The following DCUN1D4 variants were observed in gnomAD, a reference collection of about 807,000 sequenced individuals.
The protein encoded by DCUN1D4 is defective in cullin neddylation 1 domain containing 4, also known as DCN1-like protein 4.
DCUN1D4 carries 22 observed loss-of-function variants against 47.9 expected under a neutral mutation model. That is an observed-to-expected ratio of 0.46 (90% CI 0.33 to 0.66). The LOEUF (loss-of-function observed/expected upper bound fraction) is 0.66, where lower values mean the gene tolerates loss of function less well. Among genes scored for constraint, DCUN1D4 ranks in the 30% least tolerant of loss-of-function variants. The probability of loss-of-function intolerance (pLI) is 0.02; values close to 1 mark genes in which losing one functional copy is unlikely to be tolerated. For synonymous variants in DCUN1D4, 121 were observed against 112.2 expected (o/e 1.08, Z -0.50); for missense variants, 301 against 340.8 (o/e 0.88, Z 0.92).
the DCUN1D4 span, among the ~76,000 whole-genome samples, chr4:51,835,184 C>A: frequency 6.6e-6 from 1 of 152,240 alleles, no homozygotes; most frequent in African/African-American, 2.4e-5. Flanking sequence ...CAACATAGCA[C>A]AGTGAGTAAA....
At chr4:51,912,324 G>A (rs1733830129) in intron 9 of DCUN1D4, among the ~76,000 whole-genome samples, 1 of 152,140 alleles carries the variant, frequency 6.6e-6, no homozygotes, top group East Asian at 1.9e-4. Flanking sequence ...GTAATTCCAG[G>A]TGCATCATCA....
At chr4:51,857,222 A>G (rs1724275075) in intron 1 of DCUN1D4, among the ~76,000 whole-genome samples, 1 of 152,030 alleles carries the variant, frequency 6.6e-6, no homozygotes, top group African/African-American at 2.4e-5. Flanking sequence ...ACCAAATGAG[A>G]AGAGTTGAAT....
At chr4:51,869,123 CAAAA>C (rs531280197) in intron 3 of DCUN1D4, among the ~76,000 whole-genome samples, 6 of 38,588 alleles carry the variant, frequency 1.6e-4, no homozygotes, top group Admixed American at 9.5e-4. Flanking sequence ...GACTCCATCT[CAAAA>C]AAAAAAAAAA....
intron 7 of DCUN1D4, among the ~76,000 whole-genome samples, chr4:51,896,416 C>T (rs1325581938): frequency 1.3e-5 from 2 of 152,168 alleles, no homozygotes; most frequent in Non-Finnish European, 2.9e-5. Flanking sequence ...CAAACAACCG[C>T]TCTTCTTCTT....
intron 1 of DCUN1D4, chr4:51,860,421 CATT>C (rs1724862796): frequency 8.9e-6 from 3 of 336,526 alleles, no homozygotes; most frequent in Admixed American, 7.3e-5. Flanking sequence ...CTGCAGTCAA[CATT>C]ATGAACATCA....
chr4:51,874,061 G>C (rs1361597712), intron 3 of DCUN1D4, among the ~76,000 whole-genome samples: 1 of 152,148 alleles, frequency 6.6e-6, no homozygotes, highest in African/African-American at 2.4e-5. Flanking sequence ...TGGGTTGGTG[G>C]AAGTATTAAC....
At chr4:51,879,324 C>T (rs1188355476) in intron 5 of DCUN1D4, among the ~76,000 whole-genome samples, 1 of 152,160 alleles carries the variant, frequency 6.6e-6, no homozygotes, top group Admixed American at 6.5e-5. Context: ...AAGTGATTGA[C>T]GGCTGGGCGC....
At chr4:51,906,685 T>A (rs1265364417) in intron 8 of DCUN1D4, among the ~76,000 whole-genome samples, 2 of 152,090 alleles carry the variant, frequency 1.3e-5, no homozygotes, top group Admixed American at 1.3e-4. Flanking sequence ...TAAGCCCGGG[T>A]CTATTACACT....
At chr4:51,889,706 A>C (rs1730123847) in intron 6 of DCUN1D4, among the ~76,000 whole-genome samples, 1 of 152,216 alleles carries the variant, frequency 6.6e-6, no homozygotes, top group Non-Finnish European at 1.5e-5. Context: ...TGAGTTGGTT[A>C]GTTGTCCTAG....
At chr4:51,886,662 GT>G in intron 6 of DCUN1D4, 24 bp downstream of exon 6, 1 of 1,593,000 alleles carries the variant, frequency 6.3e-7, no homozygotes, top group South Asian at 1.1e-5. Flanking sequence ...ACTGAGTTGG[GT>G]GAATCAGTTG....
intron 1 of DCUN1D4, among the ~76,000 whole-genome samples, chr4:51,843,960 GGGGCGTTGGAA>G: frequency 6.6e-6 from 1 of 150,966 alleles, no homozygotes; most frequent in African/African-American, 2.4e-5. Flanking sequence ...CGGGGCGGGA[GGGGCGTTGGAA>G]GGGCGGTGGG....
rs1209186138 is a variant in DCUN1D4, at chr4:51,916,613, TG to T, written c.*3034del. The T allele has an allele frequency of 6.6e-6, 1 of 152,554 alleles. No homozygotes were observed. Among genetic ancestry groups the T allele is most frequent in the Non-Finnish European group, 1.5e-5 (1 of 67,998 alleles). 9.5% of individuals were successfully genotyped at this position (152,554 alleles called of 1,614,324 possible). ...GCTTTTTTCATAAAATAATTTCTATTGGGGGTTACTGTTCAATGACAGCAGG... is the reference window on the plus strand; with the variant it reads ...GCTTTTTTCATAAAATAATTTCTATTGGGGTTACTGTTCAATGACAGCAGG... On this transcript the variant is annotated 3_prime_UTR_variant, in exon 11 of 11. Coordinates refer to ENST00000334635, the MANE Select transcript of DCUN1D4 (RefSeq NM_001040402.3).
upstream of DCUN1D4, chr4:51,842,903 G>A (rs1721822901): frequency 6.8e-6 from 3 of 441,802 alleles, no homozygotes; most frequent in Middle Eastern, 6.5e-4. Flanking sequence ...GACCCCTGGG[G>A]GTGACTGACA....
chr4:51,842,970 G>C (rs1721833205), upstream of DCUN1D4: 1 of 1,048,522 alleles, frequency 9.5e-7, no homozygotes, highest in South Asian at 3.1e-5. Flanking sequence ...GCGTTACGGA[G>C]ACAAGGCCCC....
chr4:51,887,288 G>C (rs1274580518), intron 6 of DCUN1D4: 1 of 333,076 alleles, frequency 3.0e-6, no homozygotes, highest in African/African-American at 2.2e-5. Flanking sequence ...TATTTTAGTA[G>C]AGATGGGATT....
At chr4:51,879,778 A>G (rs921966527) in intron 5 of DCUN1D4, among the ~76,000 whole-genome samples, 3 of 152,234 alleles carry the variant, frequency 2.0e-5, no homozygotes, top group Admixed American at 2.0e-4. Context: ...TTTAAAGAAA[A>G]AGTACACTTA....
chr4:51,835,904 C>A, the DCUN1D4 span, among the ~76,000 whole-genome samples: 21 of 152,158 alleles, frequency 1.4e-4, no homozygotes, highest in African/African-American at 5.1e-4. Context: ...CTTCTCCTCT[C>A]TTGCTTCATG....
intron 10 of DCUN1D4, 40 bp from the exon 11 acceptor site, chr4:51,913,489 T>C (rs754230709): frequency 3.4e-5 from 53 of 1,572,128 alleles, no homozygotes; most frequent in Non-Finnish European, 4.3e-5. Flanking sequence ...ATTATTGTTA[T>C]TATTATTATT....
chr4:51,885,006 T>A (rs879222788), intron 5 of DCUN1D4: 7 of 152,218 alleles, frequency 4.6e-5, no homozygotes, highest in African/African-American at 1.7e-4. Flanking sequence ...CCAGCAATAT[T>A]TATTGATTCA....
Sources: allele counts gnomAD v4.1 joint callset (sites outside exome capture counted in the v4.1 genomes callset), GRCh38; gene constraint gnomAD v4.1.1; transcripts MANE v1.5; gene names NCBI Gene and HGNC (gene_info 2026-07-23, HGNC 2026-07-21).